The following TASP1 variants were observed in gnomAD, a reference collection of about 807,000 sequenced individuals.
TASP1 encodes the protein taspase 1.
Under a neutral mutation model 56.6 loss-of-function variants are expected in TASP1, and 16 were observed. The observed-to-expected ratio is 0.28, with a 90% CI of 0.19 to 0.43. TASP1 has a LOEUF of 0.43. TASP1 is among the 20% of genes least tolerant of loss of function. The pLI is 1.00. For missense variants in TASP1, 393 were observed against 511.6 expected, an observed-to-expected ratio of 0.77 and a Z score of 2.24; for synonymous variants, 179 against 184.2, an observed-to-expected ratio of 0.97 and a Z score of 0.23.
At chr20:13,140,811 T>C in the TASP1 span, among the ~76,000 whole-genome samples, 1 of 152,246 alleles carries the variant, frequency 6.6e-6, no homozygotes, top group Non-Finnish European at 1.5e-5. Flanking sequence ...GTGACACTTA[T>C]AATGTATGTG....
chr20:13,406,109 G>GT (rs1215885208), intron 13 of TASP1, among the ~76,000 whole-genome samples: 3 of 152,188 alleles, frequency 2.0e-5, no homozygotes, highest in Admixed American at 1.3e-4. Context: ...GTCTGGTACT[G>GT]TAAGTCCTCT....
chr20:13,167,330 A>T, the TASP1 span: 1 of 145,766 alleles, frequency 6.9e-6, no homozygotes, highest in Non-Finnish European at 1.6e-5. Context: ...ATTACCCTCT[A>T]CATCACCGCC....
intron 4 of TASP1, among the ~76,000 whole-genome samples, chr20:13,616,111 C>G (rs1271041324): frequency 6.6e-6 from 1 of 151,900 alleles, no homozygotes; most frequent in African/African-American, 2.4e-5. Context: ...TCAAAAATCA[C>G]AACACTATAA....
chr20:13,210,371 T>C, the TASP1 span, among the ~76,000 whole-genome samples: 2 of 152,190 alleles, frequency 1.3e-5, no homozygotes, highest in Non-Finnish European at 2.9e-5. Flanking sequence ...TACTTCTTAA[T>C]GGTATTTTAA....
At chr20:13,374,393 G>A in the TASP1 span, among the ~76,000 whole-genome samples, 693 of 151,124 alleles carry the variant, frequency 4.6e-3, 3 homozygotes, top group Non-Finnish European at 6.7e-3. Flanking sequence ...TTTCGCCCAG[G>A]CTGGAGTGCA....
intron 7 of TASP1, among the ~76,000 whole-genome samples, chr20:13,564,810 G>T (rs2046459435): frequency 6.6e-6 from 1 of 151,810 alleles, no homozygotes; most frequent in Non-Finnish European, 1.5e-5. Context: ...AAACCAGCCT[G>T]GCCAGCATGG....
At chr20:13,221,903 GC>G in the TASP1 span, 1 of 1,372,942 alleles carries the variant, frequency 7.3e-7, no homozygotes, top group South Asian at 1.7e-5. Flanking sequence ...CGCCAGCCAA[GC>G]CCAGCTGCAG....
At chr20:13,599,691 A>C (rs982180176) in intron 4 of TASP1, among the ~76,000 whole-genome samples, 18 of 151,966 alleles carry the variant, frequency 1.2e-4, no homozygotes, top group Non-Finnish European at 2.4e-4. Context: ...AAAAAAAATC[A>C]ATGTAATTCA....
At chr20:13,290,159 C>T in the TASP1 span, among the ~76,000 whole-genome samples, 16 of 152,112 alleles carry the variant, frequency 1.1e-4, no homozygotes, top group Admixed American at 6.6e-4. Flanking sequence ...GCAACCATTA[C>T]GGTGCTTTTC....
downstream of TASP1, among the ~76,000 whole-genome samples, chr20:13,385,917 T>G (rs1280901325): frequency 2.0e-5 from 3 of 152,192 alleles, no homozygotes; most frequent in African/African-American, 7.2e-5. Flanking sequence ...ACAGAATAGC[T>G]TTCCATCGTT....
At chr20:13,451,999 G>A (rs1428643438) in intron 11 of TASP1, among the ~76,000 whole-genome samples, 1 of 152,024 alleles carries the variant, frequency 6.6e-6, no homozygotes, top group African/African-American at 2.4e-5. Context: ...GAGAAACAGG[G>A]GAACAATTGG....
the TASP1 span, among the ~76,000 whole-genome samples, chr20:13,172,687 A>G: frequency 1.3e-5 from 2 of 152,210 alleles, no homozygotes; most frequent in African/African-American, 2.4e-5. Context: ...TCCTATGTCC[A>G]GAAAAGTCTG....
At chr20:13,131,613 C>T in the TASP1 span, among the ~76,000 whole-genome samples, 1 of 152,146 alleles carries the variant, frequency 6.6e-6, no homozygotes, top group Admixed American at 6.5e-5. Context: ...CTATTAGCAA[C>T]TCCCACACAC....
the TASP1 span, among the ~76,000 whole-genome samples, chr20:13,293,817 T>C: frequency 1.7e-4 from 26 of 151,086 alleles, no homozygotes; most frequent in African/African-American, 5.9e-4. Flanking sequence ...CTACTGAAAA[T>C]ACAAAAATTA....
At chr20:13,476,425 C>T (rs1362155842) in intron 11 of TASP1, among the ~76,000 whole-genome samples, 1 of 152,102 alleles carries the variant, frequency 6.6e-6, no homozygotes, top group Non-Finnish European at 1.5e-5. Context: ...AATATTTTGT[C>T]TAGCATTTTT....
At chr20:13,159,788 C>T in the TASP1 span, among the ~76,000 whole-genome samples, 9 of 152,056 alleles carry the variant, frequency 5.9e-5, no homozygotes, top group Non-Finnish European at 7.4e-5. Context: ...ACCACACACA[C>T]ACCATCATGA....
At chr20:13,280,190 G>C in the TASP1 span, among the ~76,000 whole-genome samples, 50 of 151,048 alleles carry the variant, frequency 3.3e-4, no homozygotes, top group Admixed American at 1.4e-3. Context: ...TCAAATTTCA[G>C]TTTTATTTCT....
At chr20:13,516,658 GT>G (rs34296221) in intron 10 of TASP1, among the ~76,000 whole-genome samples, 46,470 of 124,678 alleles carry the variant, frequency 0.37, 7,902 homozygotes, top group Non-Finnish European at 0.41. Context: ...TTACGCCTTT[GT>G]TTTTTTTTTT....
At chr20:13,450,567 C>A (rs926287858) in intron 11 of TASP1, among the ~76,000 whole-genome samples, 4 of 152,198 alleles carry the variant, frequency 2.6e-5, no homozygotes, top group Admixed American at 2.0e-4. Context: ...AAATCACTTT[C>A]TTTGCTCATC....
Sources: gnomAD v4.1 joint callset for allele counts (sites outside exome capture counted in the v4.1 genomes callset) on GRCh38, gnomAD v4.1.1 for gene constraint, MANE v1.5 for transcripts, NCBI Gene and HGNC (gene_info 2026-07-23, HGNC 2026-07-21) for gene names.